KIRREL3: variants seen among roughly 807,000 people sequenced by gnomAD.
KIRREL3 encodes kirre like nephrin family adhesion molecule 3.
A neutral mutation model predicts 89.7 loss-of-function variants in KIRREL3; 36 were observed. That is an observed-to-expected ratio of 0.40 (90% CI 0.31 to 0.53). The LOEUF (loss-of-function observed/expected upper bound fraction) is 0.53, where lower values mean the gene tolerates loss of function less well. Among genes scored for constraint, KIRREL3 ranks in the 20% least tolerant of loss-of-function variants. The pLI, the probability that KIRREL3 is intolerant of heterozygous loss-of-function variation, is 0.49. For synonymous variants in KIRREL3, 445 were observed against 441.4 expected (o/e 1.01, Z -0.10); for missense variants, 864 against 1,056.6 (o/e 0.82, Z 2.53).
In KIRREL3 at chr11:126,526,514, C is replaced by A. The variant is rs1958759109; in HGVS notation, c.283+24G>T. On this transcript the variant is annotated intron_variant, in intron 3 of 16. Transcript: ENST00000525144. The surrounding 1 kb of genome is among the most constrained non-coding windows in gnomAD (Gnocchi z 5.7). The stretch of plus-strand genomic sequence containing the variant: ...AAGGAAGTGATGGCCCCAGGCCCAC[C>A]CCAGGAGGTCTGGAGGTACTCACTT... 4 of 1,600,948 alleles carry A rather than the reference C, an allele frequency of 2.5e-6. No individual in the cohort carries two copies. Among genetic ancestry groups the A allele is most frequent in the Non-Finnish European group, 3.4e-6 (4 of 1,170,394 alleles).
chr11:126,584,079 G>T (rs1041067422), intron 1 of KIRREL3, among the ~76,000 whole-genome samples: 2 of 152,158 alleles, frequency 1.3e-5, no homozygotes, highest in Non-Finnish European at 2.9e-5. Context: ...TGCCCCTCAG[G>T]ACTTCCAGGA....
chr11:126,763,302 A>G lies in KIRREL3; in HGVS notation c.56-200390T>C, dbSNP rs1223047875. On this transcript the variant is annotated intron_variant, in intron 1 of 16. Coordinates refer to ENST00000525144, the MANE Select transcript of KIRREL3 (RefSeq NM_032531.4). This position sits in a 1 kb window ranked among gnomAD's most constrained non-coding sequence, Gnocchi z 4.7. ...AATTCCATGACCAGCCTCATGGCTG[A>G]GGTGCCACTTTCGATACATAAAACA... is the stretch of plus-strand genomic sequence containing the variant. Among the ~76,000 whole-genome samples, 1 of 152,194 alleles carries G rather than the reference A, an allele frequency of 6.6e-6. No individual in the cohort carries two copies. The highest frequency in any genetic ancestry group is 1.5e-5 in the Non-Finnish European group (1 of 68,030).
rs1332152953 is a variant in KIRREL3, at chr11:126,896,941, T to C, written c.55+103514A>G. ...TTTTGCTTGATATTTCTGGCTCCTT[T>C]CTTTTGTTACTCTAAGACTTTGCAG... On this transcript the variant is annotated intron_variant, in intron 1 of 16. Transcript: ENST00000525144. This position sits in a 1 kb window ranked among gnomAD's most constrained non-coding sequence, Gnocchi z 4.1. 6.6e-6 allele frequency among the ~76,000 whole-genome samples: 1 copy of C among 152,126 alleles called. No individual in the cohort carries two copies. Among genetic ancestry groups the C allele is most frequent in the Non-Finnish European group, 1.5e-5 (1 of 68,030 alleles).
Position 126,723,956 on chromosome 11 carries a change from A to G in KIRREL3, c.56-161044T>C, listed in dbSNP as rs78375368. Among the ~76,000 whole-genome samples, 786 of 152,340 alleles carry G rather than the reference A, an allele frequency of 5.2e-3. 2 individuals carry two copies. Among genetic ancestry groups the G allele is most frequent in the Admixed American group, 0.01 (157 of 15,312 alleles). On this transcript the variant is annotated intron_variant, in intron 1 of 16. Coordinates refer to ENST00000525144, the MANE Select transcript of KIRREL3 (RefSeq NM_032531.4). This position sits in a 1 kb window ranked among gnomAD's most constrained non-coding sequence, Gnocchi z 4.0. Reference sequence around the variant, plus strand: ...ATCATAATTGCAGAAAACTAGACCAATGATCTGATTGCTTTCATAAGCTCC... The same window carrying G: ...ATCATAATTGCAGAAAACTAGACCAGTGATCTGATTGCTTTCATAAGCTCC...
At chr11:126,816,304 C>T (rs1951570939) in intron 1 of KIRREL3, among the ~76,000 whole-genome samples, 1 of 152,192 alleles carries the variant, frequency 6.6e-6, no homozygotes, top group South Asian at 2.1e-4. Flanking sequence ...CCTACAATTG[C>T]ATAGACAATA....
rs768241692 is a variant in KIRREL3, at chr11:126,645,027, G to A, written c.56-82115C>T. Among the ~76,000 whole-genome samples, 13 of 152,136 alleles carry A rather than the reference G, an allele frequency of 8.5e-5. No individual in the cohort carries two copies. Among genetic ancestry groups the A allele is most frequent in the Non-Finnish European group, 1.6e-4 (11 of 68,032 alleles). Reference sequence around the variant, plus strand: ...ACTTGGGATGAACCTTGAGGGAGGGGTTGGGGTTGAAGTGGGAGGAGCATT... The same window carrying A: ...ACTTGGGATGAACCTTGAGGGAGGGATTGGGGTTGAAGTGGGAGGAGCATT... On this transcript the variant is annotated intron_variant, in intron 1 of 16. Transcript: ENST00000525144. This position sits in a 1 kb window ranked among gnomAD's most constrained non-coding sequence, Gnocchi z 4.9.
At chr11:126,784,966 G>A (rs1010869369) in intron 1 of KIRREL3, among the ~76,000 whole-genome samples, 6 of 152,310 alleles carry the variant, frequency 3.9e-5, no homozygotes, top group South Asian at 2.1e-4. Flanking sequence ...TTCCAAGCCC[G>A]GAGAGTTACA....
In KIRREL3 at chr11:126,957,131, C is replaced by T. The variant is rs140311031; in HGVS notation, c.55+43324G>A. Among the ~76,000 whole-genome samples the T allele has an allele frequency of 5.6e-3, 857 of 152,300 alleles. 3 individuals are homozygous for T. Among genetic ancestry groups the T allele is most frequent in the Middle Eastern group, 0.014 (4 of 294 alleles). On this transcript the variant is annotated intron_variant, in intron 1 of 16. Transcript: ENST00000525144. ...TTAACAGAGTTCAGCCCTGTGAGGACACAGCTAGCTCGTGGCTCATGAAAG... is the reference window on the plus strand; with the variant it reads ...TTAACAGAGTTCAGCCCTGTGAGGATACAGCTAGCTCGTGGCTCATGAAAG...
chr11:126,873,777 C>T (rs955940566), intron 1 of KIRREL3, among the ~76,000 whole-genome samples: 2 of 152,194 alleles, frequency 1.3e-5, no homozygotes, highest in Non-Finnish European at 2.9e-5. Flanking sequence ...GTATCCCTCA[C>T]TTGGCTGACT....
At chr11:126,853,768 A>T (rs547980887) in intron 1 of KIRREL3, among the ~76,000 whole-genome samples, 3 of 152,046 alleles carry the variant, frequency 2.0e-5, no homozygotes, top group East Asian at 3.9e-4. Flanking sequence ...AACTTCCTTG[A>T]CCTCCTTTCA....
At chr11:126,573,053 T>G (rs1941053732) in intron 1 of KIRREL3, among the ~76,000 whole-genome samples, 1 of 151,810 alleles carries the variant, frequency 6.6e-6, no homozygotes, top group African/African-American at 2.4e-5. Context: ...AGTGCAGGGT[T>G]TTTAGGGGTG....
At chr11:126,863,390 CGTGTGTGA>C (rs199736907) in intron 1 of KIRREL3, among the ~76,000 whole-genome samples, 201 of 60,734 alleles carry the variant, frequency 3.3e-3, no homozygotes, top group African/African-American at 0.015. Context: ...TGTTTGAGTG[CGTGTGTGA>C]GTGCGTGAGT....
At chr11:126,591,796 T>G (rs1387664639) in intron 1 of KIRREL3, among the ~76,000 whole-genome samples, 1 of 152,226 alleles carries the variant, frequency 6.6e-6, no homozygotes, top group African/African-American at 2.4e-5. Context: ...CGTATGACCA[T>G]GCTCTGTTTT....
intron 1 of KIRREL3, among the ~76,000 whole-genome samples, chr11:126,595,399 G>T (rs1429020497): frequency 6.6e-6 from 1 of 152,240 alleles, no homozygotes; most frequent in Admixed American, 6.5e-5. Context: ...TATCGCCCAG[G>T]ATTGGGGGGC....
At chr11:126,851,872 C>T (rs4935996) in intron 1 of KIRREL3, among the ~76,000 whole-genome samples, 129,029 of 152,026 alleles carry the variant, frequency 0.85, 54,956 homozygotes, top group East Asian at 1. Flanking sequence ...ATAAACAAGC[C>T]GGGCAACTCA....
rs1180571360 is a variant in KIRREL3, at chr11:126,561,778, A to T, written c.133+1057T>A. 2.6e-5 allele frequency among the ~76,000 whole-genome samples: 4 copies of T among 152,202 alleles called. No homozygotes were observed. Among genetic ancestry groups the T allele is most frequent in the African/African-American group, 4.8e-5 (2 of 41,460 alleles). ...GCCTAACTCTTGTCAGATTGTCACCATGATGGGTGCTGGAAACAGGTCCAC... is the reference window on the plus strand; with the variant it reads ...GCCTAACTCTTGTCAGATTGTCACCTTGATGGGTGCTGGAAACAGGTCCAC... On this transcript the variant is annotated intron_variant, in intron 2 of 16. Coordinates refer to ENST00000525144, the MANE Select transcript of KIRREL3 (RefSeq NM_032531.4). The surrounding 1 kb of genome is among the most constrained non-coding windows in gnomAD (Gnocchi z 4.5).
intron 1 of KIRREL3, among the ~76,000 whole-genome samples, chr11:126,799,697 A>T (rs1950970481): frequency 6.6e-6 from 1 of 152,018 alleles, no homozygotes; most frequent in South Asian, 2.1e-4. Context: ...GAGCCGGGAG[A>T]ACCAGAGAGA....
chr11:127,001,323 G>GGC (rs1555119492), upstream of KIRREL3, among the ~76,000 whole-genome samples: 1 of 135,840 alleles, frequency 7.4e-6, no homozygotes, highest in Non-Finnish European at 1.6e-5. Context: ...GTGGGGGGGG[G>GGC]GGGTAGGTAA....
Position 126,994,329 on chromosome 11 carries a change from GAGA to G in KIRREL3, c.55+6123_55+6125del, listed in dbSNP as rs1474350595. Among the ~76,000 whole-genome samples, 2 of 152,172 alleles carry G rather than the reference GAGA, an allele frequency of 1.3e-5. No homozygotes were observed. The highest frequency in any genetic ancestry group is 2.4e-5 in the African/African-American group (1 of 41,426). ...TGCCCCCTTTGCAGTTATTTCCAAG[GAGA>G]AGAAGGATGACTTCCTCTTTCCACC... On this transcript the variant is annotated intron_variant, in intron 1 of 16. Transcript: ENST00000525144. The surrounding 1 kb of genome is among the most constrained non-coding windows in gnomAD (Gnocchi z 5.2).
Sources: gnomAD v4.1 joint callset for allele counts (sites outside exome capture counted in the v4.1 genomes callset) on GRCh38, gnomAD v4.1.1 for gene constraint, Gnocchi (gnomAD v3.1) non-coding constraint, MANE v1.5 for transcripts, NCBI Gene and HGNC (gene_info 2026-07-23, HGNC 2026-07-21) for gene names.